The following CHODL variants were observed in gnomAD, a reference collection of about 807,000 sequenced individuals.
CHODL encodes the protein transmembrane protein MT75.
A neutral mutation model predicts 34.5 loss-of-function variants in CHODL; 29 were observed. The ratio of observed to expected loss-of-function variants is 0.84; its 90% CI spans 0.63 to 1.15. The LOEUF is 1.15. CHODL is among the 50% of genes most tolerant of loss of function. The pLI is 0.00. For synonymous variants in CHODL, 125 were observed against 116.1 expected (o/e 1.08, Z -0.49); for missense variants, 332 against 332.5 (o/e 1.00, Z 0.01).
intron 2 of CHODL, among the ~76,000 whole-genome samples, chr21:18,211,381 A>G (rs1053393760): frequency 3.9e-5 from 6 of 152,202 alleles, no homozygotes; most frequent in African/African-American, 1.4e-4. Flanking sequence ...ATACTCAATA[A>G]CTATTGAATG....
intron 2 of CHODL, among the ~76,000 whole-genome samples, chr21:18,038,617 C>T (rs1454701761): frequency 6.6e-6 from 1 of 151,662 alleles, no homozygotes; most frequent in African/African-American, 2.4e-5. Context: ...AAGCTCTTCC[C>T]ATATTTGATG....
intron 2 of CHODL, among the ~76,000 whole-genome samples, chr21:18,171,206 T>C (rs1488820292): frequency 7.0e-5 from 3 of 42,818 alleles, no homozygotes; most frequent in Admixed American, 2.8e-4. Context: ...TAGTTTTTTT[T>C]TTTTTTTTTT....
chr21:18,126,261 A>G (rs2065542735), intron 2 of CHODL, among the ~76,000 whole-genome samples: 2 of 152,258 alleles, frequency 1.3e-5, no homozygotes, highest in Non-Finnish European at 2.9e-5. Flanking sequence ...TTATGACTCT[A>G]TGAAGGCTTA....
chr21:18,007,434 C>T (rs903552184), intron 1 of CHODL, among the ~76,000 whole-genome samples: 8 of 152,288 alleles, frequency 5.3e-5, no homozygotes, highest in African/African-American at 1.9e-4. Flanking sequence ...ATAAAACTCT[C>T]GTCAAACTGA....
At chr21:18,044,628 T>C (rs973979444) in intron 2 of CHODL, among the ~76,000 whole-genome samples, 11 of 151,948 alleles carry the variant, frequency 7.2e-5, no homozygotes, top group African/African-American at 2.7e-4. Context: ...TTCTCTCTTT[T>C]GGTAGAAGGA....
At chr21:17,977,339 T>C (rs2146369697) in intron 1 of CHODL, among the ~76,000 whole-genome samples, 1 of 151,536 alleles carries the variant, frequency 6.6e-6, no homozygotes, top group African/African-American at 2.4e-5. Context: ...TGGGATTACA[T>C]GTTAAGGTGT....
intron 2 of CHODL, among the ~76,000 whole-genome samples, chr21:18,044,975 G>A (rs2064424505): frequency 6.6e-6 from 1 of 151,978 alleles, no homozygotes; most frequent in South Asian, 2.1e-4. Flanking sequence ...ATGCATGTGG[G>A]TGAGGGAGAC....
chr21:18,248,362 TA>T (rs2074169525), intron 1 of CHODL, among the ~76,000 whole-genome samples: 1 of 151,496 alleles, frequency 6.6e-6, no homozygotes, highest in South Asian at 2.1e-4. Flanking sequence ...ATCAAAAGCA[TA>T]AAATGATGAC....
rs73890849 is a variant in CHODL at position 17,973,817 on chromosome 21, A to G, written c.-144-54055A>G. ...TATCTTTCAGGAAAAAAAAAAAAAA[A>G]GGACCTCAGAAAAGGGACTACTTAG... On this transcript the variant is annotated intron_variant, in intron 1 of 6. Transcript: ENST00000400127. 4.9e-3 allele frequency among the ~76,000 whole-genome samples: 736 copies of G among 151,228 alleles called. 8 individuals are homozygous for G. The highest frequency in any genetic ancestry group is 0.017 in the African/African-American group (713 of 41,304).
At chr21:18,106,048 G>C (rs2065268241) in intron 2 of CHODL, among the ~76,000 whole-genome samples, 1 of 152,156 alleles carries the variant, frequency 6.6e-6, no homozygotes, top group Non-Finnish European at 1.5e-5. Flanking sequence ...ATAGTGTTCA[G>C]GGCTTACCTG....
At chr21:18,059,977 G>C (rs1334259704) in intron 2 of CHODL, among the ~76,000 whole-genome samples, 2 of 151,932 alleles carry the variant, frequency 1.3e-5, no homozygotes, top group South Asian at 4.1e-4. Context: ...TTATTCCACT[G>C]ACCCATTATC....
At chr21:18,186,616 A>G (rs1319223487) in intron 2 of CHODL, among the ~76,000 whole-genome samples, 3 of 152,168 alleles carry the variant, frequency 2.0e-5, no homozygotes, top group African/African-American at 7.2e-5. Context: ...ACATATTTAC[A>G]TTTCACTTGG....
chr21:18,080,228 A>G (rs1031104881), intron 2 of CHODL, among the ~76,000 whole-genome samples: 2 of 152,086 alleles, frequency 1.3e-5, no homozygotes, highest in African/African-American at 4.8e-5. Context: ...TAGATTCTGA[A>G]TATTAGCCCT....
At chr21:18,238,101 G>A (rs1361116375) in intron 2 of CHODL, among the ~76,000 whole-genome samples, 1 of 152,048 alleles carries the variant, frequency 6.6e-6, no homozygotes, top group Non-Finnish European at 1.5e-5. Context: ...CTTCCTTTAT[G>A]ATTGTCCTAA....
At chr21:18,103,014 T>C (rs1208478636) in intron 2 of CHODL, among the ~76,000 whole-genome samples, 1 of 152,216 alleles carries the variant, frequency 6.6e-6, no homozygotes, top group East Asian at 1.9e-4. Context: ...CTCTAAAAAT[T>C]TCATTATGAA....
chr21:18,150,913 G>A (rs13050402), intron 2 of CHODL, among the ~76,000 whole-genome samples: 7,034 of 151,582 alleles, frequency 0.046, 260 homozygotes, highest in Non-Finnish European at 0.074. Flanking sequence ...GTGAAACCCC[G>A]TCTCTACCAA....
intron 2 of CHODL, among the ~76,000 whole-genome samples, chr21:18,042,287 AC>A (rs1388342453): frequency 6.6e-6 from 1 of 151,236 alleles, no homozygotes; most frequent in Non-Finnish European, 1.5e-5. Context: ...CCTTCTCCCC[AC>A]CCCCTTCTGC....
At chr21:18,062,601 A>G (rs2064681335) in intron 2 of CHODL, among the ~76,000 whole-genome samples, 1 of 152,074 alleles carries the variant, frequency 6.6e-6, no homozygotes, top group African/African-American at 2.4e-5. Flanking sequence ...CCCCATCTCT[A>G]CTAAAAATAT....
chr21:17,963,410 T>C (rs761732399), intron 1 of CHODL, among the ~76,000 whole-genome samples: 1 of 152,208 alleles, frequency 6.6e-6, no homozygotes, highest in Non-Finnish European at 1.5e-5. Context: ...AGAGGTTTAA[T>C]AGACTCATAG....
Sources: gnomAD v4.1 joint callset for allele counts (sites outside exome capture counted in the v4.1 genomes callset) on GRCh38, gnomAD v4.1.1 for gene constraint, MANE v1.5 for transcripts, NCBI Gene and HGNC (gene_info 2026-07-23, HGNC 2026-07-21) for gene names.